TENM2: variants seen among roughly 807,000 people sequenced by gnomAD.
TENM2 encodes teneurin transmembrane protein 2.
Under a neutral mutation model 245.2 loss-of-function variants are expected in TENM2, and 52 were observed. The ratio of observed to expected loss-of-function variants is 0.21; its 90% CI spans 0.17 to 0.27. The LOEUF (loss-of-function observed/expected upper bound fraction) is 0.27. TENM2 is among the 10% of genes least tolerant of loss of function. TENM2 has a pLI of 1.00. For missense variants in TENM2, 3,046 were observed against 3,666.8 expected (o/e 0.83, Z 4.37); for synonymous variants, 1,363 against 1,438.9 (o/e 0.95, Z 1.19).
chr5:168,062,133 C>A, exon 7 of TENM2: 1 of 1,613,242 alleles, frequency 6.2e-7, no homozygotes, highest in South Asian at 1.1e-5. Context: ...CACAAGAAGT[C>A]CCACCAGGGG....
At chr5:167,572,263 A>G (rs537048338) in intron 2 of TENM2, among the ~76,000 whole-genome samples, 1 of 152,216 alleles carries the variant, frequency 6.6e-6, no homozygotes, top group Non-Finnish European at 1.5e-5. Context: ...AGAGAGTGTT[A>G]TTCTTCTTGG....
At chr5:167,822,489 C>T (rs1006570593) in intron 2 of TENM2, among the ~76,000 whole-genome samples, 4 of 152,190 alleles carry the variant, frequency 2.6e-5, no homozygotes, top group African/African-American at 4.8e-5. Context: ...AGAGTCACAG[C>T]TTCATGTTTA....
At chr5:167,934,032 C>T (rs536199157) in intron 3 of TENM2, among the ~76,000 whole-genome samples, 31 of 152,134 alleles carry the variant, frequency 2.0e-4, no homozygotes, top group Middle Eastern at 3.4e-3. Flanking sequence ...ATGAATATGG[C>T]GAAGACATCT....
chr5:167,583,395 A>T (rs1322387934), intron 2 of TENM2, among the ~76,000 whole-genome samples: 1 of 151,806 alleles, frequency 6.6e-6, no homozygotes, highest in East Asian at 1.9e-4. Context: ...AGAAGTGCCT[A>T]AAGGTGAATA....
At chr5:168,021,476 C>T (rs750432112) in intron 5 of TENM2, among the ~76,000 whole-genome samples, 4 of 152,242 alleles carry the variant, frequency 2.6e-5, no homozygotes, top group Non-Finnish European at 4.4e-5. Flanking sequence ...GTTCTTGAAA[C>T]CCACAGCCTT....
rs1757843323 is a variant in TENM2, at chr5:167,697,518, T to G, written c.503-178468T>G. On this transcript the variant is annotated intron_variant, in intron 2 of 28. Coordinates refer to ENST00000518659, the Ensembl canonical transcript of TENM2. Reference sequence around the variant, plus strand: ...CATTGCAGTGGATTAATCCATATATTTTGAATGAAAGAGTTATCAATTTTT... The same window carrying G: ...CATTGCAGTGGATTAATCCATATATGTTGAATGAAAGAGTTATCAATTTTT... 2.0e-5 allele frequency among the ~76,000 whole-genome samples: 3 copies of G among 152,032 alleles called. No homozygotes were observed. The South Asian group carries it at 6.3e-4, about 32-fold the overall frequency.
At chr5:167,868,579 A>G (rs985511756) in intron 2 of TENM2, among the ~76,000 whole-genome samples, 22 of 151,854 alleles carry the variant, frequency 1.4e-4, no homozygotes, top group East Asian at 7.8e-4. Flanking sequence ...TCTACTAAAA[A>G]TCCAAATATT....
chr5:167,438,885 C>T (rs575028844), intron 2 of TENM2, among the ~76,000 whole-genome samples: 6 of 152,252 alleles, frequency 3.9e-5, no homozygotes, highest in South Asian at 2.1e-4. Context: ...CCTCCGCCTC[C>T]GGAGTTCAAG....
intron 2 of TENM2, among the ~76,000 whole-genome samples, chr5:167,726,112 C>G (rs1161136923): frequency 6.6e-6 from 1 of 151,726 alleles, no homozygotes; most frequent in Non-Finnish European, 1.5e-5. Context: ...CCTCTTAAAT[C>G]CCAGTGCTGG....
intron 2 of TENM2, among the ~76,000 whole-genome samples, chr5:167,810,325 A>C (rs555503680): frequency 6.6e-6 from 1 of 152,092 alleles, no homozygotes; most frequent in Admixed American, 6.6e-5. Context: ...TTAGTGGCGC[A>C]TACAGAAAGG....
At chr5:168,165,116 C>T (rs1330135515) in intron 13 of TENM2, 2 of 152,192 alleles carry the variant, frequency 1.3e-5, no homozygotes, top group African/African-American at 2.4e-5. Flanking sequence ...TAGGAGTACA[C>T]AATCAAAACA....
the TENM2 span, among the ~76,000 whole-genome samples, chr5:167,088,684 A>G: frequency 6.6e-6 from 1 of 152,146 alleles, no homozygotes; most frequent in Non-Finnish European, 1.5e-5. Flanking sequence ...TTATTTTTTA[A>G]TTAATACTCA....
chr5:167,093,581 G>T, the TENM2 span, among the ~76,000 whole-genome samples: 1 of 152,116 alleles, frequency 6.6e-6, no homozygotes, highest in African/African-American at 2.4e-5. Context: ...TAAGGTTTCC[G>T]AATGTTGTTA....
chr5:168,087,654 G>A (rs1792577214), intron 7 of TENM2, among the ~76,000 whole-genome samples: 1 of 151,682 alleles, frequency 6.6e-6, no homozygotes, highest in Admixed American at 6.6e-5. Flanking sequence ...GGACCATTTG[G>A]CCTGACCTGG....
the TENM2 span, among the ~76,000 whole-genome samples, chr5:167,016,071 G>A: frequency 6.6e-6 from 1 of 151,790 alleles, no homozygotes; most frequent in African/African-American, 2.4e-5. Flanking sequence ...TAGCTAACAC[G>A]ATGAAACTCC....
chr5:168,050,764 T>C (rs552229038), intron 6 of TENM2, among the ~76,000 whole-genome samples: 10 of 152,334 alleles, frequency 6.6e-5, no homozygotes, highest in African/African-American at 2.4e-4. Context: ...ACAAAGCACT[T>C]GATTAATTAG....
chr5:167,185,934 C>T, the TENM2 span, among the ~76,000 whole-genome samples: 15 of 152,114 alleles, frequency 9.9e-5, no homozygotes, highest in Admixed American at 9.2e-4. Flanking sequence ...CCCACCAAAC[C>T]ACACTGACTC....
chr5:167,543,016 T>C (rs1772313981), intron 2 of TENM2, among the ~76,000 whole-genome samples: 1 of 152,160 alleles, frequency 6.6e-6, no homozygotes, highest in South Asian at 2.1e-4. Flanking sequence ...GCACAATCAG[T>C]ATCACCTAGG....
chr5:167,744,649 T>A (rs1761430664), intron 2 of TENM2, among the ~76,000 whole-genome samples: 1 of 152,138 alleles, frequency 6.6e-6, no homozygotes, highest in Admixed American at 6.5e-5. Flanking sequence ...TTCCACCTAT[T>A]AATAGCTCTG....
Sources: allele counts gnomAD v4.1 joint callset (sites outside exome capture counted in the v4.1 genomes callset), GRCh38; gene constraint gnomAD v4.1.1; transcripts MANE v1.5; gene names NCBI Gene and HGNC (gene_info 2026-07-23, HGNC 2026-07-21).